Variants in CDH23 observed in about 807,000 individuals in gnomAD.
CDH23 encodes cadherin related 23.
CDH23 carries 189 observed loss-of-function variants against 317.1 expected under a neutral mutation model. The ratio of observed to expected loss-of-function variants is 0.60; its 90% confidence interval spans 0.53 to 0.67. CDH23 has a LOEUF of 0.67. CDH23 is among the 30% of genes least tolerant of loss of function. The pLI is 0.00. For synonymous variants in CDH23, 1,839 were observed against 1,876.8 expected (o/e 0.98, Z 0.52); for missense variants, 4,401 against 4,592.4 (o/e 0.96, Z 1.20).
chr10:71,797,831 G>A (rs1052313994), intron 49 of CDH23, among the ~76,000 whole-genome samples: 1 of 152,106 alleles, frequency 6.6e-6, no homozygotes, highest in Non-Finnish European at 1.5e-5. Flanking sequence ...GAGTTGAGTG[G>A]GGGAAGTGGG....
intron 52 of CDH23, 141 bp from the exon 53 acceptor site, chr10:71,800,495 G>C: frequency 9.6e-7 from 1 of 1,040,692 alleles, no homozygotes; most frequent in Non-Finnish European, 1.4e-6. Flanking sequence ...CCTAGAATGG[G>C]AGCTTGCTGG....
intron 10 of CDH23, 114 bp downstream of exon 10, chr10:71,615,730 C>T (rs1589264929): frequency 7.0e-6 from 5 of 714,072 alleles, no homozygotes; most frequent in South Asian, 6.8e-5. Flanking sequence ...GGAAGCACTT[C>T]GCTTCCGTGC....
chr10:71,589,081 G>A (rs1243047606), intron 9 of CDH23, among the ~76,000 whole-genome samples: 2 of 152,072 alleles, frequency 1.3e-5, no homozygotes, highest in Non-Finnish European at 2.9e-5. Flanking sequence ...AGGACACCAT[G>A]CCACCCTCCT....
chr10:71,607,607 C>T (rs377297940), intron 9 of CDH23, among the ~76,000 whole-genome samples: 6 of 152,296 alleles, frequency 3.9e-5, no homozygotes, highest in Non-Finnish European at 1.5e-5. Context: ...GTCTACTATT[C>T]CGAAAACAGG....
At chr10:71,806,732 ATGCCCAGCTAATTTT>A (rs370760804) in intron 57 of CDH23, among the ~76,000 whole-genome samples, 298 of 152,262 alleles carry the variant, frequency 2.0e-3, no homozygotes, top group South Asian at 8.3e-3. Context: ...ACCCGCCACC[ATGCCCAGCTAATTTT>A]TGTATTTCTA....
In CDH23 at chr10:71,472,264, C is replaced by G. The variant is rs193096703; in HGVS notation, c.145+25869C>G. On this transcript the variant is annotated intron_variant, in intron 3 of 69. Transcript: ENST00000224721. ...GGAGCCAGGGTGTTTCTTTCCTTCT[C>G]TCCTCGGGTGGTAGCTCCAAAGTTT... Among the ~76,000 whole-genome samples the G allele has an allele frequency of 1.8e-4, 27 of 152,292 alleles. No homozygotes were observed. The East Asian group carries it at 5.2e-3, about 29-fold the overall frequency.
intron 30 of CDH23, among the ~76,000 whole-genome samples, chr10:71,730,050 G>A (rs1839312021): frequency 6.6e-6 from 1 of 152,016 alleles, no homozygotes; most frequent in African/African-American, 2.4e-5. Context: ...TAGCCAGGAT[G>A]GTCTCGATCT....
intron 7 of CDH23, among the ~76,000 whole-genome samples, chr10:71,570,579 C>T (rs1857722819): frequency 6.6e-6 from 1 of 152,226 alleles, no homozygotes; most frequent in Non-Finnish European, 1.5e-5. Flanking sequence ...TCCTGTACAG[C>T]TCAGAAATCA....
At chr10:71,731,868 G>A (rs1696961746) in intron 31 of CDH23, 119 bp from the exon 32 acceptor site, 3 of 1,005,328 alleles carry the variant, frequency 3.0e-6, no homozygotes, top group Non-Finnish European at 2.9e-6. Flanking sequence ...GCCGGCAGAG[G>A]TGGGGCAGCC....
intron 38 of CDH23, among the ~76,000 whole-genome samples, chr10:71,752,542 A>G (rs889533697): frequency 6.6e-6 from 1 of 152,104 alleles, no homozygotes; most frequent in Admixed American, 6.5e-5. Flanking sequence ...AGCCCACTGC[A>G]CCACTCTGGG....
At chr10:71,625,002 A>T (rs990329453) in intron 11 of CDH23, among the ~76,000 whole-genome samples, 2 of 152,108 alleles carry the variant, frequency 1.3e-5, no homozygotes, top group Non-Finnish European at 2.9e-5. Context: ...GATGAGCTTG[A>T]GTGACAGCAT....
intron 11 of CDH23, among the ~76,000 whole-genome samples, chr10:71,631,214 G>A (rs1564698342): frequency 6.6e-6 from 1 of 152,206 alleles, no homozygotes; most frequent in African/African-American, 2.4e-5. Flanking sequence ...CTGCACTCCA[G>A]CCTGGGCAAC....
At chr10:71,602,974 T>C (rs979483201) in intron 9 of CDH23, among the ~76,000 whole-genome samples, 6 of 152,224 alleles carry the variant, frequency 3.9e-5, no homozygotes, top group Non-Finnish European at 7.3e-5. Context: ...ACATGTGCCT[T>C]GTCCTTCCCC....
intron 7 of CDH23, among the ~76,000 whole-genome samples, chr10:71,568,687 CAAGG>C (rs1173653826): frequency 6.6e-6 from 1 of 152,182 alleles, no homozygotes; most frequent in Non-Finnish European, 1.5e-5. Flanking sequence ...AGCACTTCCC[CAAGG>C]AAGGAGATTC....
rs114201452 is a variant in CDH23, at chr10:71,514,983, C to T, written c.429+3771C>T. 6.4e-3 allele frequency among the ~76,000 whole-genome samples: 969 copies of T among 152,316 alleles called. 11 individuals are homozygous for T. Among genetic ancestry groups the T allele is most frequent in the African/African-American group, 0.022 (909 of 41,570 alleles). ...AGTACCTCCGTTAGGGGCGCGTGCC[C>T]GCCTCGCTGACCTTCAGCACTGCCC... On this transcript the variant is annotated intron_variant, in intron 6 of 69. Coordinates refer to ENST00000224721, the MANE Select transcript of CDH23 (RefSeq NM_022124.6).
chr10:71,568,947 G>T (rs553304157), intron 7 of CDH23, among the ~76,000 whole-genome samples: 1 of 152,358 alleles, frequency 6.6e-6, no homozygotes, highest in East Asian at 1.9e-4. Context: ...CCTGTGCCAG[G>T]CTAGACAAAA....
chr10:71,448,534 G>A (rs960345266), intron 3 of CDH23, among the ~76,000 whole-genome samples: 4 of 152,184 alleles, frequency 2.6e-5, no homozygotes, highest in Non-Finnish European at 5.9e-5. Context: ...CTGCCTCAGC[G>A]CCCTCCCAGC....
rs1482502437 is a variant in CDH23 at position 71,754,396 on chromosome 10, G to T, written c.4845+12475G>T. Among the ~76,000 whole-genome samples, 5 of 152,254 alleles carry T rather than the reference G, an allele frequency of 3.3e-5. No homozygotes were observed. In the East Asian group the frequency reaches 9.7e-4, roughly 29 times the overall value. ...AAGGGCCGGCCACAGGAAATAAGTT[G>T]CGAGCCAAAAGCCACCTGGCACCAG... On this transcript the variant is annotated intron_variant, in intron 38 of 69. Transcript: ENST00000224721.
intron 1 of CDH23, among the ~76,000 whole-genome samples, chr10:71,407,227 A>T (rs1848133940): frequency 6.6e-6 from 1 of 152,208 alleles, no homozygotes; most frequent in African/African-American, 2.4e-5. Flanking sequence ...AAGAAAGGAC[A>T]AAAGTCCCAC....
Sources: gnomAD v4.1 joint callset for allele counts (sites outside exome capture counted in the v4.1 genomes callset) on GRCh38, gnomAD v4.1.1 for gene constraint, MANE v1.5 for transcripts, NCBI Gene and HGNC (gene_info 2026-07-23, HGNC 2026-07-21) for gene names.